Variants in COL6A5 observed in about 807,000 individuals in gnomAD.
COL6A5 encodes the protein collagen type VI alpha 5 chain.
Under a neutral mutation model 65.6 loss-of-function variants are expected in COL6A5, and 48 were observed. The ratio of observed to expected loss-of-function variants is 0.73; its 90% confidence interval spans 0.58 to 0.93. The LOEUF (loss-of-function observed/expected upper bound fraction) is 0.93, where lower values mean the gene tolerates loss of function less well. Ranked by LOEUF, COL6A5 falls within the 40% of genes least tolerant of loss-of-function variation. The pLI, the probability that COL6A5 is intolerant of heterozygous loss-of-function variation, is 0.00. For missense variants in COL6A5, 914 were observed against 928.3 expected (o/e 0.98, Z 0.20); for synonymous variants, 291 against 322.8 (o/e 0.90, Z 1.05).
intron 7 of COL6A5, among the ~76,000 whole-genome samples, chr3:130,476,397 A>G (rs1710098832): frequency 6.6e-6 from 1 of 152,152 alleles, no homozygotes; most frequent in Non-Finnish European, 1.5e-5. Context: ...GGCAAGAGAC[A>G]CATTTCAGTT....
exon 3 of COL6A5, chr3:130,376,288 A>T (rs1207051031): frequency 6.2e-7 from 1 of 1,613,066 alleles, no homozygotes; most frequent in African/African-American, 1.3e-5. Flanking sequence ...AGCTCCGATC[A>T]CCTGGGACCT....
At chr3:130,444,954 C>T (rs1399342449) in intron 4 of COL6A5, among the ~76,000 whole-genome samples, 1 of 152,222 alleles carries the variant, frequency 6.6e-6, no homozygotes, top group East Asian at 1.9e-4. Context: ...CCGAAGTATT[C>T]CAATCACACT....
In COL6A5 at chr3:130,394,927, C is replaced by T. The variant is rs568457370; in HGVS notation, c.3030C>T (p.Cys1010=). The T allele has an allele frequency of 2.8e-4, 432 of 1,551,200 alleles. 5 individuals carry two copies. The highest frequency in any genetic ancestry group is 2.4e-3 in the South Asian group (205 of 84,004). ...AGGAAGCTGACGTGATTTTCCTTTGCGATGGCTCTGACAGGGTATCTAATT... is the reference window on the plus strand; with the variant it reads ...AGGAAGCTGACGTGATTTTCCTTTGTGATGGCTCTGACAGGGTATCTAATT... Residue 1010 remains cysteine (C), a synonymous_variant and NMD_transcript_variant, in exon 8 of 42, where the codon TGC becomes TGT. Coordinates refer to the COL6A5 transcript ENST00000312481.
chr3:130,408,101 A>T (rs532389336), intron 17 of COL6A5, among the ~76,000 whole-genome samples: 5 of 152,304 alleles, frequency 3.3e-5, no homozygotes, highest in African/African-American at 1.2e-4. Context: ...AAGACAGGAT[A>T]ACAGCGATTT....
chr3:130,392,060 C>T (rs537369391), intron 7 of COL6A5, among the ~76,000 whole-genome samples: 1 of 152,152 alleles, frequency 6.6e-6, no homozygotes, highest in African/African-American at 2.4e-5. Flanking sequence ...TTCACCTTAC[C>T]CCAAGTAATG....
At chr3:130,374,573 C>T (rs1042934925) in intron 2 of COL6A5, among the ~76,000 whole-genome samples, 1 of 152,124 alleles carries the variant, frequency 6.6e-6, no homozygotes, top group Non-Finnish European at 1.5e-5. Context: ...TCTGCCTCAG[C>T]CTCCCAAATA....
intron 5 of COL6A5, among the ~76,000 whole-genome samples, chr3:130,465,831 A>G (rs1276165411): frequency 6.6e-6 from 1 of 152,102 alleles, no homozygotes; most frequent in Non-Finnish European, 1.5e-5. Context: ...TAAAAAGTTA[A>G]GTGGAAACAT....
intron 8 of COL6A5, among the ~76,000 whole-genome samples, chr3:130,396,461 A>C (rs995476360): frequency 6.6e-6 from 1 of 152,218 alleles, no homozygotes; most frequent in Non-Finnish European, 1.5e-5. Flanking sequence ...ACCTCCACAC[A>C]CGACTGTTTC....
intron 7 of COL6A5, 33 bp downstream of exon 40, chr3:130,471,959 C>T (rs1396455784): frequency 1.3e-6 from 2 of 1,519,244 alleles, no homozygotes; most frequent in Non-Finnish European, 1.8e-6. Context: ...TGAAGACCCT[C>T]AAGTACCTTT....
At chr3:130,389,058 A>G in exon 6 of COL6A5, 4 of 1,490,916 alleles carry the variant, frequency 2.7e-6, no homozygotes, top group Non-Finnish European at 3.6e-6. Flanking sequence ...ATAGCAGCCT[A>G]GTTTTTCATG....
chr3:130,402,433 A>G (rs560814308), intron 12 of COL6A5, among the ~76,000 whole-genome samples: 7 of 152,364 alleles, frequency 4.6e-5, no homozygotes, highest in African/African-American at 1.4e-4. Context: ...TTTCAATAAA[A>G]TATGTCAATG....
intron 1 of COL6A5, 83 bp downstream of exon 1, chr3:130,346,064 C>G (rs929658442): frequency 2.5e-6 from 1 of 398,250 alleles, no homozygotes; most frequent in East Asian, 3.6e-5. Flanking sequence ...GAGAAGGATT[C>G]TCCTTTCTGG....
rs1272217655 is a variant in COL6A5, at chr3:130,401,860, A to G, written c.4227+6A>G. On this transcript the variant is annotated splice_donor_region_variant and intron_variant and NMD_transcript_variant, in intron 12 of 41. Transcript: ENST00000312481. ...GAGGACTACAAGCCATGAAGGTGCC[A>G]CTCACCTGTGATACTATTTTATCTA... 1 of 1,545,292 alleles carries G rather than the reference A, an allele frequency of 6.5e-7. No homozygotes were observed. The highest frequency in any genetic ancestry group is 1.4e-5 in the African/African-American group (1 of 72,884).
chr3:130,416,761 C>G, exon 24 of COL6A5: 1 of 1,529,218 alleles, frequency 6.5e-7, no homozygotes, highest in Non-Finnish European at 8.8e-7. Context: ...TTTCAGGGTT[C>G]TCCTGGGCTA....
intron 3 of COL6A5, among the ~76,000 whole-genome samples, chr3:130,442,208 C>T (rs1230868370): frequency 6.6e-6 from 1 of 152,014 alleles, no homozygotes; most frequent in East Asian, 1.9e-4. Flanking sequence ...TGTTTTATAG[C>T]AATTGAAAGA....
intron 17 of COL6A5, among the ~76,000 whole-genome samples, chr3:130,406,985 A>G (rs1369732714): frequency 6.6e-6 from 1 of 152,184 alleles, no homozygotes; most frequent in Non-Finnish European, 1.5e-5. Context: ...GGGGAGACAG[A>G]CATATCAATA....
rs555769728 is a variant in COL6A5 at position 130,439,622 on chromosome 3, C to T, written c.581+7C>T. 4.8e-5 allele frequency: 74 copies of T among 1,544,500 alleles called. 2 individuals are homozygous for T. In the South Asian group the frequency reaches 7.9e-4, roughly 16 times the overall value. On this transcript the variant is annotated splice_region_variant and intron_variant, in intron 2 of 7. Transcript: ENST00000512836. Reference sequence around the variant, plus strand: ...CGCTGTGCACTTTGCTATGGTAAGACCAATGAAGAGAATTGACTGTGCTGA... The same window carrying T: ...CGCTGTGCACTTTGCTATGGTAAGATCAATGAAGAGAATTGACTGTGCTGA...
At chr3:130,472,819 A>G (rs1375770400) in intron 7 of COL6A5, among the ~76,000 whole-genome samples, 1 of 127,218 alleles carries the variant, frequency 7.9e-6, no homozygotes, top group Non-Finnish European at 1.7e-5. Flanking sequence ...AAGTTTATAT[A>G]TGTGTGTGTA....
chr3:130,400,886 T>C (rs1255381443), intron 10 of COL6A5, 145 bp from the exon 11 acceptor site: 1 of 594,184 alleles, frequency 1.7e-6, no homozygotes, highest in Non-Finnish European at 2.7e-6. Flanking sequence ...TTTCTTCATA[T>C]GTCAGGAGTA....
Sources: gnomAD v4.1 joint callset for allele counts (sites outside exome capture counted in the v4.1 genomes callset) on GRCh38, gnomAD v4.1.1 for gene constraint, MANE v1.5 for transcripts, NCBI Gene and HGNC (gene_info 2026-07-23, HGNC 2026-07-21) for gene names.